Variants in RFX6 observed in about 807,000 individuals in gnomAD.
RFX6 encodes the protein regulatory factor X6.
In RFX6, 50 loss-of-function variants were observed where a neutral mutation model predicts 110.8. That is an observed-to-expected ratio of 0.45 (90% CI 0.36 to 0.57). RFX6 has a LOEUF of 0.57. Ranked by LOEUF, RFX6 falls within the 20% of genes least tolerant of loss-of-function variation. The probability of loss-of-function intolerance (pLI) is 0.00; values close to 1 mark genes in which losing one functional copy is unlikely to be tolerated. For synonymous variants in RFX6, 383 were observed against 411.2 expected (o/e 0.93, Z 0.83); for missense variants, 990 against 1,127.0 (o/e 0.88, Z 1.74).
intron 10 of RFX6, among the ~76,000 whole-genome samples, chr6:116,918,546 C>A (rs1775522917): frequency 7.1e-6 from 1 of 139,982 alleles, no homozygotes; most frequent in African/African-American, 2.7e-5. Flanking sequence ...GAAACAATAC[C>A]AGAAGATTTT....
chr6:116,896,190 G>A (rs1774940958), intron 6 of RFX6, among the ~76,000 whole-genome samples: 2 of 152,314 alleles, frequency 1.3e-5, no homozygotes, highest in East Asian at 1.9e-4. Context: ...CTAGTTTGAT[G>A]AGGCTGGTGG....
intron 4 of RFX6, among the ~76,000 whole-genome samples, chr6:116,891,294 A>G (rs746454897): frequency 5.9e-5 from 9 of 152,122 alleles, no homozygotes; most frequent in Non-Finnish European, 1.3e-4. Flanking sequence ...TTGTCTTGTG[A>G]TTTTTGTGTA....
intron 1 of RFX6, 140 bp from the exon 2 acceptor site, chr6:116,877,656 T>C: frequency 9.4e-7 from 1 of 1,067,766 alleles, no homozygotes; most frequent in East Asian, 2.6e-5. Context: ...AGTAGAGACC[T>C]GACATTTTGC....
In RFX6 at chr6:116,916,052, C is replaced by T; in HGVS notation, c.825C>T (p.Ile275=). Residue 275 remains isoleucine (I), a synonymous_variant, in exon 8 of 19, where the codon ATC becomes ATT. Transcript: ENST00000332958. The part of the protein sequence containing the change: ...IMMYKTHCQC[I]LDNAINGNFE... ...TGTACAAAACTCACTGCCAGTGTAT[C>T]CTGGACAATGCAATTAATGGAAACT... The T allele has an allele frequency of 6.2e-7, 1 of 1,611,840 alleles. No individual in the cohort carries two copies. Among genetic ancestry groups the T allele is most frequent in the Non-Finnish European group, 8.5e-7 (1 of 1,178,232 alleles).
chr6:116,928,809 A>T lies in RFX6; in HGVS notation c.2449A>T (p.Met817Leu). 4 of 1,614,042 alleles carry T rather than the reference A, an allele frequency of 2.5e-6. No homozygotes were observed. Among genetic ancestry groups the T allele is most frequent in the Non-Finnish European group, 2.5e-6 (3 of 1,179,922 alleles). The change falls in exon 18 of 19, where the codon ATG becomes TTG. Residue 817 changes from methionine (M) to leucine (L), a missense_variant. Physicochemically the swap from Met to Leu is conservative, Grantham distance 15 (BLOSUM62 2). Around this residue, in one of 5 missense-constraint regions of RFX6, gnomAD observed 438 missense variants for 441.9 expected, o/e 0.99. Coordinates refer to ENST00000332958, the MANE Select transcript of RFX6 (RefSeq NM_173560.4). The part of the protein sequence containing the change: ...NYPESHRLGS[M>L]VNQHVSVISS... Reference sequence around the variant, plus strand: ...CCCAGAGTCTCACAGGCTCGGATCAATGGTGAATCAGCACGTTTCTGTCAT... The same window carrying T: ...CCCAGAGTCTCACAGGCTCGGATCATTGGTGAATCAGCACGTTTCTGTCAT...
At chr6:116,919,579 A>G (rs1415958586) in intron 11 of RFX6, among the ~76,000 whole-genome samples, 2 of 152,188 alleles carry the variant, frequency 1.3e-5, no homozygotes, top group East Asian at 3.9e-4. Context: ...CTGGATGGAG[A>G]GTATATGGAA....
intron 6 of RFX6, among the ~76,000 whole-genome samples, chr6:116,907,121 A>G (rs550562572): frequency 7.5e-6 from 1 of 133,120 alleles, no homozygotes; most frequent in African/African-American, 3.0e-5. Flanking sequence ...ACCTAATGAG[A>G]TTATCATTTT....
chr6:116,901,364 A>ACTTAGT (rs141130175), intron 6 of RFX6, among the ~76,000 whole-genome samples: 18 of 151,280 alleles, frequency 1.2e-4, no homozygotes, highest in African/African-American at 4.4e-4. Flanking sequence ...AAAGTAAAAA[A>ACTTAGT]TGCTCAGTCA....
intron 4 of RFX6, 46 bp downstream of exon 4, chr6:116,882,474 G>T: frequency 7.8e-7 from 1 of 1,284,926 alleles, no homozygotes; most frequent in Non-Finnish European, 1.1e-6. Flanking sequence ...TGTGCATGAA[G>T]ATTGACACAG....
chr6:116,901,581 T>C (rs1200029410), intron 6 of RFX6, among the ~76,000 whole-genome samples: 3 of 152,206 alleles, frequency 2.0e-5, no homozygotes, highest in South Asian at 2.1e-4. Flanking sequence ...ACAGTGCTAG[T>C]TGGCATTCTG....
At chr6:116,924,826 C>T in intron 15 of RFX6, 35 bp downstream of exon 15, 1 of 1,461,216 alleles carries the variant, frequency 6.8e-7, no homozygotes, top group South Asian at 1.1e-5. Flanking sequence ...TTGCATATTT[C>T]TTTGTTTTAA....
At position 116,912,309 on chromosome 6, in the gene RFX6, G is replaced by A. The variant is rs183585368; in HGVS notation, c.780+1267G>A. Among the ~76,000 whole-genome samples the A allele has an allele frequency of 4.4e-4, 66 of 151,632 alleles. 1 individual carries two copies. The East Asian group carries it at 0.012, about 27-fold the overall frequency. ...CTTGGTATACTTACGTAACAAACAT[G>A]CATATGTACCCTCTAAATCTAAAAT... On this transcript the variant is annotated intron_variant, in intron 7 of 18. Coordinates refer to ENST00000332958, the MANE Select transcript of RFX6 (RefSeq NM_173560.4).
chr6:116,928,943 T>A lies in RFX6; in HGVS notation c.2583T>A (p.Ser861=). The change falls in exon 18 of 19, where the codon TCT becomes TCA. Residue 861 remains serine, a synonymous_variant. Coordinates refer to ENST00000332958, the MANE Select transcript of RFX6 (RefSeq NM_173560.4). ...GCTCGTTTTACACAGACACATCATC[T>A]CCAGTTGCATGTCGAACTCCAGTCC... ...QTSSFYTDTS[S]PVACRTPVLA... is the part of the protein sequence containing the mutation. The A allele has an allele frequency of 6.2e-7, 1 of 1,612,158 alleles. No homozygotes were observed. The highest frequency in any genetic ancestry group is 8.5e-7 in the Non-Finnish European group (1 of 1,178,192).
At chr6:116,922,344 G>T (rs542004415) in intron 13 of RFX6, among the ~76,000 whole-genome samples, 193 bp downstream of exon 13, 33 of 152,224 alleles carry the variant, frequency 2.2e-4, no homozygotes, top group African/African-American at 7.0e-4. Flanking sequence ...AGAGCATTGG[G>T]CATGGATTCC....
chr6:116,929,400 C>T (rs528499909), intron 18 of RFX6, among the ~76,000 whole-genome samples: 3 of 152,026 alleles, frequency 2.0e-5, no homozygotes, highest in African/African-American at 7.2e-5. Flanking sequence ...AAAATCACTC[C>T]AAGATTAAAA....
At position 116,919,198 on chromosome 6, in the gene RFX6, G is replaced by A. The variant is rs1177381547; in HGVS notation, c.1084G>A (p.Glu362Lys). The A allele has an allele frequency of 3.7e-6, 6 of 1,613,504 alleles. No individual in the cohort carries two copies. The South Asian group carries it at 5.5e-5, about 15-fold the overall frequency. ...NWEQWVVSSL[E>K]NLPEALTDKK... is the part of the protein sequence containing the mutation. Reference sequence around the variant, plus strand: ...GGAACAGTGGGTTGTTTCATCCTTGGAAAACTTGCCAGAAGCTCTAACTGA... The same window carrying A: ...GGAACAGTGGGTTGTTTCATCCTTGAAAAACTTGCCAGAAGCTCTAACTGA... Residue 362 changes from glutamate to lysine, a missense_variant, in exon 11 of 19, where the codon GAA becomes AAA. This residue lies in a region of RFX6 where 243 missense variants were observed against 353.1 expected (regional missense o/e 0.69). Coordinates refer to ENST00000332958, the MANE Select transcript of RFX6 (RefSeq NM_173560.4).
At chr6:116,879,983 A>G (rs1467509929) in intron 2 of RFX6, among the ~76,000 whole-genome samples, 3 of 152,060 alleles carry the variant, frequency 2.0e-5, no homozygotes, top group Non-Finnish European at 4.4e-5. Flanking sequence ...TACTGATGAC[A>G]GTAGTAAAAA....
chr6:116,878,216 A>G (rs1774509268), intron 2 of RFX6, among the ~76,000 whole-genome samples: 1 of 152,198 alleles, frequency 6.6e-6, no homozygotes, highest in Non-Finnish European at 1.5e-5. Flanking sequence ...TTCAAATGTA[A>G]GCATTAATGA....
intron 6 of RFX6, among the ~76,000 whole-genome samples, chr6:116,910,375 A>C (rs755470579): frequency 3.3e-5 from 5 of 152,194 alleles, no homozygotes; most frequent in Admixed American, 6.5e-5. Flanking sequence ...AAGAGATGTG[A>C]AAGAACAACA....
Sources: allele counts gnomAD v4.1 joint callset (sites outside exome capture counted in the v4.1 genomes callset), GRCh38; gene constraint gnomAD v4.1.1; regional missense constraint gnomAD v4.1.1; transcripts MANE v1.5; gene names NCBI Gene and HGNC (gene_info 2026-07-23, HGNC 2026-07-21).